STK26: variants seen among roughly 807,000 people sequenced by gnomAD.
STK26 encodes serine/threonine-protein kinase 26.
Under a neutral mutation model 34.7 loss-of-function variants are expected in STK26, and 14 were observed. The ratio of observed to expected loss-of-function variants is 0.40; its 90% CI spans 0.27 to 0.63. The LOEUF (loss-of-function observed/expected upper bound fraction) is 0.63. Ranked by LOEUF, STK26 falls within the 30% of genes least tolerant of loss-of-function variation. The pLI is 0.38. For synonymous variants in STK26, 100 were observed against 109.8 expected, an observed-to-expected ratio of 0.91 and a Z score of 0.56; for missense variants, 226 against 309.1, an observed-to-expected ratio of 0.73 and a Z score of 2.02.
At chrX:132,028,156 C>T (rs763372984) in intron 2 of STK26, among the ~76,000 whole-genome samples, 3 of 108,142 alleles carry the variant, frequency 2.8e-5, no homozygotes, top group African/African-American at 3.4e-5. Flanking sequence ...TGAGCTACTG[C>T]GCCTGGCTAC....
At chrX:132,043,139 T>A (rs1926324276) in intron 2 of STK26, among the ~76,000 whole-genome samples, 1 of 112,123 alleles carries the variant, frequency 8.9e-6, no homozygotes, top group South Asian at 3.6e-4. Flanking sequence ...AGAAGAAAGA[T>A]AGGCAGTGAG....
intron 4 of STK26, among the ~76,000 whole-genome samples, chrX:132,066,615 T>C (rs1927234386): frequency 8.9e-6 from 1 of 112,300 alleles, no homozygotes; most frequent in Non-Finnish European, 1.9e-5. Flanking sequence ...TAGCACCCAG[T>C]TAATTGAGAT....
At chrX:132,036,449 G>A (rs1387963013) in intron 2 of STK26, among the ~76,000 whole-genome samples, 2 of 111,425 alleles carry the variant, frequency 1.8e-5, no homozygotes, top group Non-Finnish European at 3.8e-5. Flanking sequence ...ACAAAAATTA[G>A]CTGGGTGTAT....
At chrX:132,051,094 G>C (rs1038281779) in intron 2 of STK26, among the ~76,000 whole-genome samples, 1 of 111,892 alleles carries the variant, frequency 8.9e-6, no homozygotes, top group African/African-American at 3.2e-5. Context: ...TCTTTCAGCT[G>C]TCTGTTTCTG....
Position 132,072,738 on chromosome X carries a change from G to C in STK26, c.1027-75G>C. On this transcript the variant is annotated intron_variant, in intron 9 of 11. Transcript: ENST00000394334. ...TTCAGTAGGGGATTCAAATTAGTTC[G>C]TATTTGTTAAAGAATAAGAAAATCA... 5 of 1,044,744 alleles carry C rather than the reference G, an allele frequency of 4.8e-6. No individual in the cohort carries two copies. The South Asian group carries it at 7.8e-5, about 16-fold the overall frequency. 86.1% of individuals were successfully genotyped at this position (1,044,744 alleles called of 1,213,427 possible).
At chrX:132,031,380 A>G (rs932611677) in intron 2 of STK26, among the ~76,000 whole-genome samples, 1 of 112,383 alleles carries the variant, frequency 8.9e-6, no homozygotes, top group African/African-American at 3.2e-5. Flanking sequence ...ACATACAATA[A>G]ATTATGGTTA....
At chrX:132,056,088 G>A (rs963612153) in intron 3 of STK26, among the ~76,000 whole-genome samples, 3 of 111,386 alleles carry the variant, frequency 2.7e-5, no homozygotes, top group Non-Finnish European at 5.7e-5. Context: ...GTATTTTCTC[G>A]AAGTTTGCTG....
At chrX:132,057,477 G>A (rs1388563611) in intron 3 of STK26, among the ~76,000 whole-genome samples, 1 of 111,121 alleles carries the variant, frequency 9.0e-6, no homozygotes, top group Non-Finnish European at 1.9e-5. Context: ...TTGCTCCACT[G>A]TGTTGCTGCA....
intron 4 of STK26, among the ~76,000 whole-genome samples, chrX:132,065,001 AAT>A (rs1293511241): frequency 3.3e-4 from 37 of 111,885 alleles, no homozygotes; most frequent in African/African-American, 1.2e-3. Context: ...ATTTTAAAGA[AAT>A]GGTAATTAAA....
chrX:132,027,299 T>C (rs749911459), intron 2 of STK26, among the ~76,000 whole-genome samples: 1 of 112,113 alleles, frequency 8.9e-6, no homozygotes, highest in African/African-American at 3.2e-5. Context: ...GTAAATAACA[T>C]GAGCTAGTCA....
intron 2 of STK26, among the ~76,000 whole-genome samples, chrX:132,047,551 G>C (rs1926539745): frequency 9.0e-6 from 1 of 110,859 alleles, no homozygotes; most frequent in Admixed American, 9.7e-5. Context: ...TTGGATTCTT[G>C]ACATTGGATC....
chrX:132,031,405 A>G (rs1338725249), intron 2 of STK26, among the ~76,000 whole-genome samples: 1 of 112,055 alleles, frequency 8.9e-6, no homozygotes, highest in African/African-American at 3.3e-5. Context: ...TATTCACCCT[A>G]CAGTACTGCA....
chrX:132,039,865 A>T (rs779479427), intron 2 of STK26, among the ~76,000 whole-genome samples: 2 of 111,617 alleles, frequency 1.8e-5, no homozygotes, highest in South Asian at 7.4e-4. Context: ...TTTTTAATTG[A>T]ATGCAGCCTT....
intron 2 of STK26, among the ~76,000 whole-genome samples, chrX:132,054,362 TG>T (rs1201325880): frequency 8.9e-6 from 1 of 112,156 alleles, no homozygotes; most frequent in Non-Finnish European, 1.9e-5. Flanking sequence ...CCTGATGTTT[TG>T]GCATGCACTG....
At chrX:132,053,545 T>C (rs1602762491) in intron 2 of STK26, among the ~76,000 whole-genome samples, 1 of 111,917 alleles carries the variant, frequency 8.9e-6, no homozygotes, top group South Asian at 3.7e-4. Context: ...AACTCCATAA[T>C]TGTCTTCTGA....
In STK26 at chrX:132,075,509, A is replaced by G. The variant is rs989949854; in HGVS notation, c.*1350A>G. The G allele has an allele frequency of 8.9e-6, 1 of 112,036 alleles. No individual in the cohort carries two copies. The highest frequency in any genetic ancestry group is 3.2e-5 in the African/African-American group (1 of 30,933). The allele number at this position is 112,036 out of a possible 1,213,427, so 9.2% of individuals were successfully genotyped here. On this transcript the variant is annotated 3_prime_UTR_variant, in exon 12 of 12. Transcript: ENST00000394334. ...TGTAAGGAATACAGTTTTTAGTCAA[A>G]GTGGCCATTACATCCTCTTTTTAAT...
At chrX:132,030,771 G>A (rs899876307) in intron 2 of STK26, among the ~76,000 whole-genome samples, 3 of 110,579 alleles carry the variant, frequency 2.7e-5, no homozygotes, top group Non-Finnish European at 5.7e-5. Context: ...ATTAAGACTC[G>A]AAGAATTTCC....
chrX:132,062,408 T>C (rs950777676), intron 3 of STK26, among the ~76,000 whole-genome samples: 1 of 112,510 alleles, frequency 8.9e-6, no homozygotes, highest in Non-Finnish European at 1.9e-5. Flanking sequence ...TTTGTATACA[T>C]ATATTCCTCC....
chrX:132,072,796 A>G lies in STK26; in HGVS notation c.1027-17A>G, dbSNP rs1192997478. On this transcript the variant is annotated splice_polypyrimidine_tract_variant and intron_variant, in intron 9 of 11. Transcript: ENST00000394334. ...TATTTTAATTTCATGTGTATAATCT[A>G]TATTATTTGTTCAAAGGAGCAAGAT... 2 of 1,195,058 alleles carry G rather than the reference A, an allele frequency of 1.7e-6. No individual in the cohort carries two copies. The highest frequency in any genetic ancestry group is 2.3e-6 in the Non-Finnish European group (2 of 880,792).
Sources: allele counts gnomAD v4.1 joint callset (sites outside exome capture counted in the v4.1 genomes callset), GRCh38; gene constraint gnomAD v4.1.1; transcripts MANE v1.5; gene names NCBI Gene and HGNC (gene_info 2026-07-23, HGNC 2026-07-21).